SLC36A1: variants seen among roughly 807,000 people sequenced by gnomAD.
SLC36A1 encodes the protein solute carrier family 36 member 1, also known as proton-coupled amino acid transporter 1.
In SLC36A1, 30 loss-of-function variants were observed where a neutral mutation model predicts 47.5. The observed-to-expected ratio is 0.63, with a 90% CI of 0.47 to 0.86. The LOEUF (loss-of-function observed/expected upper bound fraction) is 0.86, where lower values mean the gene tolerates loss of function less well. Ranked by LOEUF, SLC36A1 falls within the 40% of genes least tolerant of loss-of-function variation. The pLI, the probability that SLC36A1 is intolerant of heterozygous loss-of-function variation, is 0.00. For missense variants in SLC36A1, 517 were observed against 606.0 expected (o/e 0.85, Z 1.54); for synonymous variants, 255 against 249.7 (o/e 1.02, Z -0.20).
chr5:151,356,964 G>A, the SLC36A1 span, among the ~76,000 whole-genome samples: 2 of 152,116 alleles, frequency 1.3e-5, no homozygotes, highest in African/African-American at 4.8e-5. Flanking sequence ...ACACAAGCAG[G>A]GTGCTCCCAT....
chr5:151,540,546 C>T, the SLC36A1 span: 4 of 1,597,032 alleles, frequency 2.5e-6, no homozygotes, highest in South Asian at 4.5e-5. Flanking sequence ...CTACCCACTC[C>T]ACCCCTCGCC....
chr5:151,548,231 G>A, the SLC36A1 span, among the ~76,000 whole-genome samples: 1 of 151,964 alleles, frequency 6.6e-6, no homozygotes, highest in Non-Finnish European at 1.5e-5. Flanking sequence ...GGTCTTGTGA[G>A]GGCAGACAGC....
the SLC36A1 span, among the ~76,000 whole-genome samples, chr5:151,502,281 C>T: frequency 1.4e-5 from 2 of 144,212 alleles, no homozygotes; most frequent in African/African-American, 5.8e-5. Context: ...CACTGCACTT[C>T]AGCCTGGGCA....
chr5:151,533,720 C>CAT, the SLC36A1 span, among the ~76,000 whole-genome samples: 7 of 151,284 alleles, frequency 4.6e-5, no homozygotes, highest in Admixed American at 2.0e-4. Context: ...AGGTTATATA[C>CAT]ATATATATAT....
the SLC36A1 span, chr5:151,521,517 G>A: frequency 1.2e-6 from 2 of 1,614,238 alleles, no homozygotes; most frequent in Admixed American, 1.7e-5. Flanking sequence ...ACTCGTAGAA[G>A]GTTCCAGAAT....
At chr5:151,371,624 A>G in the SLC36A1 span, among the ~76,000 whole-genome samples, 1 of 152,240 alleles carries the variant, frequency 6.6e-6, no homozygotes, top group Admixed American at 6.5e-5. Flanking sequence ...CTATCTTGTT[A>G]TCAACTCCCA....
the SLC36A1 span, chr5:151,544,322 G>T: frequency 6.2e-7 from 1 of 1,614,156 alleles, no homozygotes; most frequent in Non-Finnish European, 8.5e-7. Flanking sequence ...AAAGTGGGAG[G>T]GTTATCATTG....
chr5:151,467,670 A>AG, intron 6 of SLC36A1, 37 bp from the exon 7 acceptor site: 1 of 1,549,230 alleles, frequency 6.5e-7, no homozygotes, highest in East Asian at 2.2e-5. Context: ...CTGTTGTTTG[A>AG]GAGGTGTTTC....
the SLC36A1 span, among the ~76,000 whole-genome samples, chr5:151,352,190 C>T: frequency 4.7e-3 from 722 of 152,294 alleles, 5 homozygotes; most frequent in African/African-American, 0.016. Context: ...AAGGAGGACC[C>T]TCTGCTTGAC....
the SLC36A1 span, among the ~76,000 whole-genome samples, chr5:151,385,267 T>C: frequency 0.5 from 75,287 of 151,976 alleles, 20,681 homozygotes; most frequent in African/African-American, 0.75. Context: ...GGACCCTCTC[T>C]AGCTGGAGAT....
chr5:151,527,957 T>C, the SLC36A1 span: 3 of 1,607,498 alleles, frequency 1.9e-6, no homozygotes, highest in South Asian at 2.2e-5. Flanking sequence ...GTGTCTCTGC[T>C]CTAATGAGCT....
the SLC36A1 span, chr5:151,521,124 G>A: frequency 3.4e-5 from 24 of 707,524 alleles, no homozygotes; most frequent in Non-Finnish European, 4.7e-5. Context: ...ATTTTGTGAG[G>A]CCACTAGCCG....
upstream of SLC36A1, among the ~76,000 whole-genome samples, chr5:151,433,266 A>ATT (rs869250950): frequency 5.3e-4 from 5 of 9,402 alleles, no homozygotes; most frequent in African/African-American, 6.4e-4. Context: ...ATATATATAT[A>ATT]TTTTTTTTTT....
chr5:151,501,109 C>G, the SLC36A1 span, among the ~76,000 whole-genome samples: 1 of 152,176 alleles, frequency 6.6e-6, no homozygotes, highest in Non-Finnish European at 1.5e-5. Flanking sequence ...TGTGAGACCT[C>G]AGACAAACCC....
chr5:151,467,167 A>G, intron 5 of SLC36A1, 32 bp from the exon 6 acceptor site: 1 of 1,509,188 alleles, frequency 6.6e-7, no homozygotes, highest in Non-Finnish European at 9.1e-7. Flanking sequence ...GTATTGTAAC[A>G]GTCTTTGTAT....
At chr5:151,414,261 C>T in the SLC36A1 span, among the ~76,000 whole-genome samples, 6 of 139,764 alleles carry the variant, frequency 4.3e-5, no homozygotes, top group South Asian at 2.1e-4. Context: ...GATTTGGATA[C>T]GTGGAGATGA....
chr5:151,389,760 A>G, the SLC36A1 span, among the ~76,000 whole-genome samples: 1 of 151,954 alleles, frequency 6.6e-6, no homozygotes, highest in Non-Finnish European at 1.5e-5. Context: ...ATGGCTGCAT[A>G]GTATGCCATG....
chr5:151,440,523 G>T lies in SLC36A1; in HGVS notation c.-6+3344G>T, dbSNP rs73285681. Among the ~76,000 whole-genome samples the T allele has an allele frequency of 6.5e-3, 981 of 151,608 alleles. 15 individuals are homozygous for T. The highest frequency in any genetic ancestry group is 0.027 in the East Asian group (137 of 5,138). Reference sequence around the variant, plus strand: ...GGGAAAGGGGACACTGGGTAGGGTTGCTATGACATCTCAGGGGCTGGTACT... The same window carrying T: ...GGGAAAGGGGACACTGGGTAGGGTTTCTATGACATCTCAGGGGCTGGTACT... On this transcript the variant is annotated intron_variant, in intron 1 of 8. Transcript: ENST00000429484.
the SLC36A1 span, among the ~76,000 whole-genome samples, chr5:151,426,194 A>T: frequency 6.6e-6 from 1 of 152,186 alleles, no homozygotes; most frequent in Non-Finnish European, 1.5e-5. Context: ...GGTGTTTCTC[A>T]TCAGGTGGGA....
Sources: allele counts gnomAD v4.1 joint callset (sites outside exome capture counted in the v4.1 genomes callset), GRCh38; gene constraint gnomAD v4.1.1; transcripts MANE v1.5; gene names NCBI Gene and HGNC (gene_info 2026-07-23, HGNC 2026-07-21).